Variants in FHIT observed in about 807,000 individuals in gnomAD.
FHIT encodes the protein fragile histidine triad diadenosine triphosphatase.
In FHIT, 19 loss-of-function variants were observed where a neutral mutation model predicts 17.9. The ratio of observed to expected loss-of-function variants is 1.06; its 90% CI spans 0.74 to 1.56. The LOEUF is 1.56. Ranked by LOEUF, FHIT falls within the 40% of genes most tolerant of loss-of-function variation. The probability of loss-of-function intolerance (pLI) is 0.00; values close to 1 mark genes in which losing one functional copy is unlikely to be tolerated. For missense variants in FHIT, 248 were observed against 189.2 expected (o/e 1.31, Z -1.82); for synonymous variants, 81 against 69.7 (o/e 1.16, Z -0.81).
At chr3:59,978,564 C>T (rs1708512998) in intron 7 of FHIT, among the ~76,000 whole-genome samples, 1 of 151,674 alleles carries the variant, frequency 6.6e-6, no homozygotes, top group African/African-American at 2.4e-5. Flanking sequence ...CTCAGCATTT[C>T]TACTCTGTTA....
chr3:60,886,573 G>C (rs1035947921), intron 3 of FHIT, among the ~76,000 whole-genome samples: 13 of 152,262 alleles, frequency 8.5e-5, no homozygotes, highest in African/African-American at 2.4e-5. Flanking sequence ...AAAAAATAGA[G>C]GGGCAGTTGG....
chr3:59,987,861 A>G (rs945969988), intron 7 of FHIT, among the ~76,000 whole-genome samples: 2 of 152,096 alleles, frequency 1.3e-5, no homozygotes, highest in Non-Finnish European at 2.9e-5. Context: ...TGCCCCATCT[A>G]AAGTCTTATT....
At chr3:60,330,995 C>T (rs1286850834) in intron 5 of FHIT, among the ~76,000 whole-genome samples, 1 of 152,174 alleles carries the variant, frequency 6.6e-6, no homozygotes, top group Admixed American at 6.5e-5. Flanking sequence ...GTGACCACAA[C>T]CTCTCCCTTT....
intron 4 of FHIT, among the ~76,000 whole-genome samples, chr3:60,780,028 T>G (rs1404326933): frequency 6.6e-6 from 1 of 152,186 alleles, no homozygotes; most frequent in Non-Finnish European, 1.5e-5. Flanking sequence ...CCAAGGTCAC[T>G]GGAACTTGGG....
intron 5 of FHIT, among the ~76,000 whole-genome samples, chr3:60,230,020 A>G (rs561160501): frequency 3.3e-5 from 5 of 152,278 alleles, no homozygotes; most frequent in African/African-American, 1.2e-4. Flanking sequence ...TCGGCCACTC[A>G]CCTCTATGCC....
At chr3:60,955,609 T>TATATGTATATATATATATGTATATATAC (rs1709089854) in intron 3 of FHIT, among the ~76,000 whole-genome samples, 1 of 9,150 alleles carries the variant, frequency 1.1e-4, no homozygotes, top group Non-Finnish European at 4.7e-4. Context: ...TATATATATA[T>TATATGTATATATATATATGTATATATAC]ATATATATAT....
At chr3:60,885,695 G>T (rs782630444) in intron 3 of FHIT, among the ~76,000 whole-genome samples, 7 of 152,008 alleles carry the variant, frequency 4.6e-5, no homozygotes, top group Non-Finnish European at 1.5e-5. Context: ...TCCTCTTTCT[G>T]ATACATCATG....
intron 5 of FHIT, among the ~76,000 whole-genome samples, chr3:60,142,268 G>A (rs926808667): frequency 3.3e-5 from 5 of 152,104 alleles, no homozygotes; most frequent in South Asian, 2.1e-4. Context: ...ATGCCAGCAC[G>A]TAGCTCATAA....
intron 8 of FHIT, among the ~76,000 whole-genome samples, chr3:59,849,341 C>T (rs1465109430): frequency 1.3e-5 from 2 of 152,002 alleles, no homozygotes; most frequent in Admixed American, 6.6e-5. Context: ...CTACTGCGCT[C>T]CAGCCTGGGT....
At chr3:61,228,366 T>G (rs2040020260) in intron 1 of FHIT, among the ~76,000 whole-genome samples, 1 of 152,138 alleles carries the variant, frequency 6.6e-6, no homozygotes, top group Admixed American at 6.5e-5. Flanking sequence ...TTAAACTAGC[T>G]CTTATTTTCC....
At chr3:60,636,973 GT>G (rs1169981598) in intron 4 of FHIT, among the ~76,000 whole-genome samples, 2 of 152,132 alleles carry the variant, frequency 1.3e-5, no homozygotes, top group African/African-American at 4.8e-5. Flanking sequence ...GTGGGGGCTG[GT>G]GGGGCTTCCT....
chr3:60,194,690 A>G (rs1010419512), intron 5 of FHIT, among the ~76,000 whole-genome samples: 2 of 152,204 alleles, frequency 1.3e-5, no homozygotes, highest in African/African-American at 4.8e-5. Flanking sequence ...GCATCTGACA[A>G]AGGACTAATA....
intron 5 of FHIT, among the ~76,000 whole-genome samples, chr3:60,351,450 C>T (rs985047547): frequency 6.6e-6 from 1 of 152,084 alleles, no homozygotes. Context: ...ACATTTTCTT[C>T]CTTTGACTTA....
intron 2 of FHIT, among the ~76,000 whole-genome samples, chr3:61,065,977 G>A (rs1244778953): frequency 6.6e-6 from 1 of 152,124 alleles, no homozygotes; most frequent in East Asian, 1.9e-4. Flanking sequence ...AAACAACAGA[G>A]ATTTATTAGC....
intron 5 of FHIT, among the ~76,000 whole-genome samples, chr3:60,172,967 G>C (rs1010600578): frequency 1.3e-5 from 2 of 151,978 alleles, no homozygotes; most frequent in Non-Finnish European, 2.9e-5. Context: ...GTATGATATG[G>C]GTAACGAATA....
intron 6 of FHIT, among the ~76,000 whole-genome samples, chr3:60,013,640 C>T (rs1452601291): frequency 1.3e-5 from 2 of 152,162 alleles, no homozygotes; most frequent in East Asian, 1.9e-4. Flanking sequence ...ATCACTGCCA[C>T]CCTGGAATTA....
chr3:60,318,513 G>A (rs1220993385), intron 5 of FHIT, among the ~76,000 whole-genome samples: 3 of 152,092 alleles, frequency 2.0e-5, no homozygotes, highest in Non-Finnish European at 4.4e-5. Context: ...ACAGAAATAG[G>A]TCAAGCAAAT....
chr3:60,415,891 TTAC>T (rs1391109542), intron 5 of FHIT, among the ~76,000 whole-genome samples: 3 of 104,386 alleles, frequency 2.9e-5, no homozygotes, highest in Non-Finnish European at 6.2e-5. Context: ...TATATTATTA[TTAC>T]ATACAATATA....
chr3:59,846,394 C>T (rs1387437939), intron 8 of FHIT, among the ~76,000 whole-genome samples: 1 of 152,026 alleles, frequency 6.6e-6, no homozygotes, highest in South Asian at 2.1e-4. Flanking sequence ...ACATTATACC[C>T]TCCCCTTTCT....
Sources: allele counts gnomAD v4.1 joint callset (sites outside exome capture counted in the v4.1 genomes callset), GRCh38; gene constraint gnomAD v4.1.1; transcripts MANE v1.5; gene names NCBI Gene and HGNC (gene_info 2026-07-23, HGNC 2026-07-21).